Variants in ANKRD18B observed in about 807,000 individuals in gnomAD.
ANKRD18B encodes the protein ankyrin repeat domain-containing protein 18B.
ANKRD18B carries 75 observed loss-of-function variants against 111.8 expected under a neutral mutation model. The ratio of observed to expected loss-of-function variants is 0.67; its 90% CI spans 0.56 to 0.81. The LOEUF is 0.81. Among genes scored for constraint, ANKRD18B ranks in the 40% least tolerant of loss-of-function variants. The pLI, the probability that ANKRD18B is intolerant of heterozygous loss-of-function variation, is 0.00. For missense variants in ANKRD18B, 1,038 were observed against 1,225.5 expected, an observed-to-expected ratio of 0.85 and a Z score of 2.28; for synonymous variants, 356 against 417.3, an observed-to-expected ratio of 0.85 and a Z score of 1.79.
chr9:33,556,674 C>T (rs1828532053), intron 13 of ANKRD18B, among the ~76,000 whole-genome samples: 1 of 151,762 alleles, frequency 6.6e-6, no homozygotes, highest in South Asian at 2.1e-4. Context: ...ATTTGGTCAT[C>T]TTTTCTTCCT....
chr9:33,572,783 T>C lies in ANKRD18B; in HGVS notation c.*349T>C, dbSNP rs1335819050. 1 of 964,788 alleles carries C rather than the reference T, an allele frequency of 1.0e-6. No homozygotes were observed. The highest frequency in any genetic ancestry group is 1.2e-6 in the Non-Finnish European group (1 of 806,040). 59.8% of individuals were successfully genotyped at this position (964,788 alleles called of 1,614,324 possible). A position where few individuals can be genotyped will look rare whatever the true frequency, so the allele number is the denominator to read the frequency against. On this transcript the variant is annotated 3_prime_UTR_variant, in exon 19 of 19. Transcript: ENST00000684830. ...AAAGAGTATCTGCCAGGTTTGTCCA[T>C]ACTAGTGTTATGATTTTCTTTTTGT... is the stretch of plus-strand genomic sequence containing the variant.
chr9:33,572,181 T>C (rs1186406656), intron 18 of ANKRD18B, 135 bp from the exon 19 acceptor site: 1 of 678,924 alleles, frequency 1.5e-6, no homozygotes, highest in African/African-American at 1.8e-5. Context: ...AATAGTAATC[T>C]TGTATTGTAA....
At chr9:33,569,837 C>G (rs1427778148) in intron 17 of ANKRD18B, among the ~76,000 whole-genome samples, 2 of 152,096 alleles carry the variant, frequency 1.3e-5, no homozygotes, top group Non-Finnish European at 1.5e-5. Context: ...AGTTTGATAC[C>G]AGCCTGGCCA....
intron 5 of ANKRD18B, 41 bp downstream of exon 5, chr9:33,534,548 G>A (rs1345073078): frequency 3.4e-6 from 5 of 1,469,694 alleles, no homozygotes; most frequent in Admixed American, 2.8e-5. Context: ...ACTAAATTAA[G>A]GTTTTAAATA....
Position 33,548,898 on chromosome 9 carries a change from A to G in ANKRD18B, c.2067+43A>G, listed in dbSNP as rs1478008587. 5 of 1,413,966 alleles carry G rather than the reference A, an allele frequency of 3.5e-6. No individual in the cohort carries two copies. The East Asian group carries it at 1.3e-4, about 36-fold the overall frequency. 87.6% of individuals were successfully genotyped at this position (1,413,966 alleles called of 1,614,324 possible). On this transcript the variant is annotated intron_variant, in intron 11 of 18. Transcript: ENST00000684830. ...TATAACCTTCTGGAAAGAAAATTTAAACATTTCATTGTGGCTATATGTTGA... is the reference window on the plus strand; with the variant it reads ...TATAACCTTCTGGAAAGAAAATTTAGACATTTCATTGTGGCTATATGTTGA...
At chr9:33,573,168 C>A (rs1228321077), downstream of ANKRD18B, 2 of 984,772 alleles carry the variant, frequency 2.0e-6, no homozygotes, top group Non-Finnish European at 2.4e-6. Flanking sequence ...TCTGCGGCAA[C>A]CCTAGAATGA....
intron 10 of ANKRD18B, among the ~76,000 whole-genome samples, chr9:33,545,683 A>G (rs1828344724): frequency 6.6e-6 from 1 of 152,242 alleles, no homozygotes; most frequent in South Asian, 2.1e-4. Flanking sequence ...GAACATCAAA[A>G]GCATATCTAG....
At chr9:33,559,031 A>G (rs1748850) in intron 14 of ANKRD18B, among the ~76,000 whole-genome samples, 23,445 of 152,206 alleles carry the variant, frequency 0.15, 1,903 homozygotes, top group South Asian at 0.2. Context: ...GGATTCTTTC[A>G]GTGACAATTG....
At chr9:33,543,950 A>G (rs1473098947) in intron 10 of ANKRD18B, among the ~76,000 whole-genome samples, 3 of 152,244 alleles carry the variant, frequency 2.0e-5, no homozygotes, top group Admixed American at 1.3e-4. Flanking sequence ...TAACACTATC[A>G]TATTACAGTA....
chr9:33,529,746 T>C (rs1026893135), intron 3 of ANKRD18B, among the ~76,000 whole-genome samples: 8 of 152,180 alleles, frequency 5.3e-5, no homozygotes, highest in African/African-American at 1.9e-4. Flanking sequence ...CTCTTCAGCT[T>C]TGGGGTAATC....
chr9:33,551,787 G>A (rs912840192), intron 12 of ANKRD18B, among the ~76,000 whole-genome samples: 6 of 152,102 alleles, frequency 3.9e-5, no homozygotes, highest in African/African-American at 1.4e-4. Flanking sequence ...AGTTAATTGG[G>A]CAGATGTCAG....
At chr9:33,546,463 A>C (rs1009423770) in intron 10 of ANKRD18B, among the ~76,000 whole-genome samples, 1 of 152,180 alleles carries the variant, frequency 6.6e-6, no homozygotes, top group African/African-American at 2.4e-5. Context: ...TGATTTTATC[A>C]TATAAGTAGC....
chr9:33,553,485 C>T (rs1828476844), intron 12 of ANKRD18B, among the ~76,000 whole-genome samples: 1 of 152,132 alleles, frequency 6.6e-6, no homozygotes, highest in South Asian at 2.1e-4. Context: ...CAGCTTTAAA[C>T]CATCTCAATC....
Position 33,524,582 on chromosome 9 carries a change from G to A in ANKRD18B, c.93G>A (p.Arg31=). ...ATGCGGGTCGGGGGTACCACATTCG[G>A]GACTGGGAACTGCGGAAGATCCACA... ...QEYAGRGYHI[R]DWELRKIHRA... is the part of the protein sequence containing the mutation. The change falls in exon 1 of 19, where the codon CGG becomes CGA. Residue 31 remains arginine (R), a synonymous_variant. Transcript: ENST00000684830. The A allele has an allele frequency of 6.4e-7, 1 of 1,551,546 alleles. No homozygotes were observed. Among genetic ancestry groups the A allele is most frequent in the Non-Finnish European group, 8.7e-7 (1 of 1,146,854 alleles).
chr9:33,564,703 CT>C lies in ANKRD18B; in HGVS notation c.2461-1508del, dbSNP rs762777117. ...ACTGTTCTCTGAAACCTCACCAGCA[CT>C]TTTTTTTGTGTTTTCTATGATAGCC... On this transcript the variant is annotated intron_variant, in intron 14 of 18. Coordinates refer to ENST00000684830, the MANE Select transcript of ANKRD18B (RefSeq NM_001393611.1). Among the ~76,000 whole-genome samples, 77 of 152,024 alleles carry C rather than the reference CT, an allele frequency of 5.1e-4. 1 individual carries two copies. The South Asian group carries it at 0.015, about 30-fold the overall frequency.
rs556510254 is a variant in ANKRD18B at position 33,538,629 on chromosome 9, G to C, written c.809-820G>C. ...TGGGCACCTGTATTCCCAACTACTC[G>C]GGAGGCTGAGGCAGGAGAATTGCTT... On this transcript the variant is annotated intron_variant, in intron 6 of 18. Coordinates refer to ENST00000684830, the MANE Select transcript of ANKRD18B (RefSeq NM_001393611.1). 5.3e-5 allele frequency among the ~76,000 whole-genome samples: 8 copies of C among 152,074 alleles called. 1 individual carries two copies. The South Asian group carries it at 1.5e-3, about 28-fold the overall frequency.
chr9:33,528,265 C>A (rs1298594345), intron 1 of ANKRD18B, among the ~76,000 whole-genome samples: 1 of 152,242 alleles, frequency 6.6e-6, no homozygotes, highest in African/African-American at 2.4e-5. Flanking sequence ...TACACCATTG[C>A]ACTCCAGCCT....
intron 4 of ANKRD18B, 30 bp from the exon 5 acceptor site, chr9:33,534,340 T>C: frequency 6.6e-7 from 1 of 1,512,312 alleles, no homozygotes; most frequent in East Asian, 2.5e-5. Flanking sequence ...ATCAAAGTTC[T>C]TGAGTGCTGT....
chr9:33,554,041 T>C (rs1455148219), intron 12 of ANKRD18B, among the ~76,000 whole-genome samples: 1 of 149,478 alleles, frequency 6.7e-6, no homozygotes, highest in East Asian at 2.0e-4. Flanking sequence ...CACTGCACTC[T>C]AGCCTGGATG....
Sources: gnomAD v4.1 joint callset for allele counts (sites outside exome capture counted in the v4.1 genomes callset) on GRCh38, gnomAD v4.1.1 for gene constraint, MANE v1.5 for transcripts, NCBI Gene and HGNC (gene_info 2026-07-23, HGNC 2026-07-21) for gene names.